The following FANK1 variants were observed in gnomAD, a reference collection of about 807,000 sequenced individuals.
FANK1 encodes the protein fibronectin type III and ankyrin repeat domains 1.
Under a neutral mutation model 45.3 loss-of-function variants are expected in FANK1, and 44 were observed. That is an observed-to-expected ratio of 0.97 (90% CI 0.76 to 1.25). The LOEUF (loss-of-function observed/expected upper bound fraction) is 1.25. Among genes scored for constraint, FANK1 ranks in the 50% most tolerant of loss-of-function variants. FANK1 has a pLI of 0.00. For synonymous variants in FANK1, 149 were observed against 152.5 expected, an observed-to-expected ratio of 0.98 and a Z score of 0.17; for missense variants, 391 against 424.4, an observed-to-expected ratio of 0.92 and a Z score of 0.69.
At chr10:125,903,393 G>C (rs571401266) in intron 1 of FANK1, among the ~76,000 whole-genome samples, 77 of 152,376 alleles carry the variant, frequency 5.1e-4, no homozygotes, top group African/African-American at 1.8e-3. Context: ...TGGAAGAAGG[G>C]AGGAGGCATT....
Position 126,009,215 on chromosome 10 carries a change from G to C in FANK1, c.928-7G>C, listed in dbSNP as rs1206811479. ...GCATGTAAAATTTTTGTTGTTTCCT[G>C]TTTCAGTTCGGCAAAGGTGTCCTAG... On this transcript the variant is annotated splice_region_variant and splice_polypyrimidine_tract_variant and intron_variant, in intron 9 of 10. Transcript: ENST00000368693. 1 of 1,614,064 alleles carries C rather than the reference G, an allele frequency of 6.2e-7. No individual in the cohort carries two copies. The highest frequency in any genetic ancestry group is 1.7e-5 in the Admixed American group (1 of 60,006).
intron 1 of FANK1, among the ~76,000 whole-genome samples, chr10:125,957,944 C>T (rs1044043234): frequency 6.6e-6 from 1 of 151,554 alleles, no homozygotes; most frequent in Non-Finnish European, 1.5e-5. Context: ...TTTTAATTGA[C>T]TTTTTTGGCC....
chr10:125,949,335 G>C (rs998630288), intron 1 of FANK1, among the ~76,000 whole-genome samples: 2 of 151,734 alleles, frequency 1.3e-5, no homozygotes, highest in Non-Finnish European at 2.9e-5. Flanking sequence ...AATTGTCCCT[G>C]TTTGCAGACA....
chr10:125,957,650 G>A (rs768591482), intron 1 of FANK1, among the ~76,000 whole-genome samples: 1 of 151,892 alleles, frequency 6.6e-6, no homozygotes, highest in Non-Finnish European at 1.5e-5. Context: ...TCAGCCTCCC[G>A]AGAAGCTGGG....
chr10:125,907,458 G>A, intron 1 of FANK1: 2 of 984,798 alleles, frequency 2.0e-6, no homozygotes, highest in Non-Finnish European at 2.4e-6. Flanking sequence ...CTTTTTTAGT[G>A]TGGATGGGAT....
chr10:125,943,221 A>G (rs538833363), intron 1 of FANK1, among the ~76,000 whole-genome samples: 9 of 152,090 alleles, frequency 5.9e-5, no homozygotes, highest in Non-Finnish European at 1.3e-4. Context: ...TAAACTCTTC[A>G]TATGTCTAAA....
intron 1 of FANK1, among the ~76,000 whole-genome samples, chr10:125,964,403 G>A (rs7908128): frequency 0.34 from 51,155 of 151,504 alleles, 9,029 homozygotes; most frequent in East Asian, 0.44. Flanking sequence ...ATGTTGGCCA[G>A]GCTGGTCTTG....
intron 1 of FANK1, among the ~76,000 whole-genome samples, chr10:125,930,517 T>TA (rs1314742784): frequency 2.6e-5 from 4 of 151,352 alleles, no homozygotes; most frequent in African/African-American, 7.3e-5. Context: ...TTTTTTTTTT[T>TA]ATTAGACATG....
chr10:125,982,692 A>C (rs988219490), intron 2 of FANK1, among the ~76,000 whole-genome samples: 1 of 152,162 alleles, frequency 6.6e-6, no homozygotes, highest in Non-Finnish European at 1.5e-5. Context: ...TCATCAGTCT[A>C]TCTGGAAACA....
At position 126,003,812 on chromosome 10, in the gene FANK1, A is replaced by AT. The variant is rs560936477; in HGVS notation, c.540-1070dup. On this transcript the variant is annotated intron_variant, in intron 6 of 10. Coordinates refer to ENST00000368693, the MANE Select transcript of FANK1 (RefSeq NM_145235.5). Reference sequence around the variant, plus strand: ...TGCCTCAGCCTCCTGAGTAGCTGGGATTATAGGCTCTTGCCACCACTCCCA... The same window carrying AT: ...TGCCTCAGCCTCCTGAGTAGCTGGGATTTATAGGCTCTTGCCACCACTCCCA... 2.8e-4 allele frequency among the ~76,000 whole-genome samples: 42 copies of AT among 152,036 alleles called. 1 individual carries two copies. The South Asian group carries it at 8.7e-3, about 32-fold the overall frequency.
chr10:125,971,684 T>C (rs918922876), intron 1 of FANK1, among the ~76,000 whole-genome samples: 3 of 152,072 alleles, frequency 2.0e-5, no homozygotes, highest in Non-Finnish European at 4.4e-5. Context: ...TGCGGTGGCA[T>C]GATCTTGGCT....
At chr10:125,997,342 C>A in intron 5 of FANK1, 78 bp from the exon 6 acceptor site, 1 of 1,142,400 alleles carries the variant, frequency 8.8e-7, no homozygotes. Flanking sequence ...TGCTGTGTTA[C>A]TCATTTTTAC....
chr10:125,908,729 G>C (rs1171985559), intron 1 of FANK1, among the ~76,000 whole-genome samples: 3 of 151,646 alleles, frequency 2.0e-5, no homozygotes, highest in Admixed American at 6.6e-5. Flanking sequence ...AACACCATCT[G>C]TTCCCCAAAA....
At chr10:125,953,301 A>G (rs953033944) in intron 1 of FANK1, among the ~76,000 whole-genome samples, 1 of 152,050 alleles carries the variant, frequency 6.6e-6, no homozygotes, top group African/African-American at 2.4e-5. Flanking sequence ...TGAAGTTGGA[A>G]CCTTCAAGAG....
intron 3 of FANK1, among the ~76,000 whole-genome samples, chr10:125,992,795 T>C (rs1292231456): frequency 5.3e-5 from 8 of 151,940 alleles, no homozygotes; most frequent in Non-Finnish European, 1.0e-4. Context: ...GTTGGGGCTG[T>C]GCCCTTAGAA....
intron 1 of FANK1, among the ~76,000 whole-genome samples, chr10:125,971,591 C>T (rs1039663668): frequency 6.6e-6 from 1 of 152,046 alleles, no homozygotes; most frequent in Non-Finnish European, 1.5e-5. Flanking sequence ...TTAAGGAAAT[C>T]TGGAGAACGA....
intron 1 of FANK1, among the ~76,000 whole-genome samples, chr10:125,969,208 T>C (rs1028501597): frequency 6.7e-6 from 1 of 148,870 alleles, no homozygotes; most frequent in Non-Finnish European, 1.5e-5. Context: ...TAAGGTCTCC[T>C]TTTTCTTTTT....
intron 7 of FANK1, among the ~76,000 whole-genome samples, chr10:126,006,248 T>C (rs1319172048): frequency 6.6e-6 from 1 of 152,182 alleles, no homozygotes; most frequent in African/African-American, 2.4e-5. Context: ...GAAGGGTAAT[T>C]GAGGGAAAGT....
chr10:125,993,366 A>G (rs535916872), intron 3 of FANK1, among the ~76,000 whole-genome samples: 1 of 152,306 alleles, frequency 6.6e-6, no homozygotes, highest in East Asian at 1.9e-4. Context: ...GAAACAGTCT[A>G]TGGGTTTAGT....
Sources: allele counts gnomAD v4.1 joint callset (sites outside exome capture counted in the v4.1 genomes callset), GRCh38; gene constraint gnomAD v4.1.1; transcripts MANE v1.5; gene names NCBI Gene and HGNC (gene_info 2026-07-23, HGNC 2026-07-21).